The following CIT variants were observed in gnomAD, a reference collection of about 807,000 sequenced individuals.
CIT encodes citron rho-interacting serine/threonine kinase.
CIT carries 79 observed loss-of-function variants against 272.7 expected under a neutral mutation model. The observed-to-expected ratio is 0.29, with a 90% CI of 0.24 to 0.35. The LOEUF is 0.35. CIT is among the 10% of genes least tolerant of loss of function. CIT has a pLI of 1.00. For synonymous variants in CIT, 948 were observed against 995.6 expected, an observed-to-expected ratio of 0.95 and a Z score of 0.90; for missense variants, 1,909 against 2,618.3, an observed-to-expected ratio of 0.73 and a Z score of 5.91.
intron 5 of CIT, among the ~76,000 whole-genome samples, chr12:119,844,760 TA>T (rs1969672808): frequency 1.3e-5 from 2 of 150,862 alleles, no homozygotes; most frequent in African/African-American, 4.9e-5. Flanking sequence ...AACAAGGGAG[TA>T]AAAATGTCAT....
At chr12:119,743,046 T>C (rs1254970625) in intron 23 of CIT, among the ~76,000 whole-genome samples, 1 of 152,156 alleles carries the variant, frequency 6.6e-6, no homozygotes, top group African/African-American at 2.4e-5. Flanking sequence ...AAAGCTGCCT[T>C]AAACCAGCAG....
At chr12:119,812,137 G>A (rs1457510342) in intron 9 of CIT, among the ~76,000 whole-genome samples, 5 of 151,756 alleles carry the variant, frequency 3.3e-5, no homozygotes, top group African/African-American at 9.7e-5. Flanking sequence ...TAGTAGAGAC[G>A]GGGTTTTACC....
chr12:119,827,309 G>A (rs1968253013), intron 7 of CIT, among the ~76,000 whole-genome samples: 1 of 152,128 alleles, frequency 6.6e-6, no homozygotes, highest in African/African-American at 2.4e-5. Context: ...CTTAAGTCAA[G>A]GAGAAGACTT....
intron 16 of CIT, among the ~76,000 whole-genome samples, chr12:119,774,771 G>A (rs1162132934): frequency 6.6e-6 from 1 of 152,052 alleles, no homozygotes; most frequent in African/African-American, 2.4e-5. Context: ...CCAGGTGTTT[G>A]AGACCAGCCT....
chr12:119,712,777 G>T lies in CIT; in HGVS notation c.4580-82C>A. The T allele has an allele frequency of 8.8e-7, 1 of 1,136,354 alleles. No homozygotes were observed. The allele number at this position is 1,136,354 out of a possible 1,614,324, so 70.4% of individuals were successfully genotyped here. On this transcript the variant is annotated intron_variant, in intron 35 of 47. Coordinates refer to ENST00000392521, the MANE Select transcript of CIT (RefSeq NM_001206999.2). This position sits in a 1 kb window ranked among gnomAD's most constrained non-coding sequence, Gnocchi z 5.2. ...GGGAGAAGAGAGAGCGAGAGAGACAGCAAGGGAGAGAGAGACAGGGTACGT... is the reference window on the plus strand; with the variant it reads ...GGGAGAAGAGAGAGCGAGAGAGACATCAAGGGAGAGAGAGACAGGGTACGT...
intron 26 of CIT, among the ~76,000 whole-genome samples, chr12:119,733,694 T>G (rs1958600438): frequency 6.6e-6 from 1 of 152,044 alleles, no homozygotes; most frequent in South Asian, 2.1e-4. Flanking sequence ...GAGTAGAGAC[T>G]AGGGATGCTG....
intron 4 of CIT, among the ~76,000 whole-genome samples, chr12:119,852,407 G>A (rs534784780): frequency 2.6e-5 from 4 of 152,012 alleles, no homozygotes; most frequent in Admixed American, 1.3e-4. Flanking sequence ...CAACTCGATC[G>A]TTTTATTCTA....
intron 23 of CIT, among the ~76,000 whole-genome samples, chr12:119,750,204 T>C (rs575254953): frequency 6.6e-6 from 1 of 152,362 alleles, no homozygotes; most frequent in Non-Finnish European, 1.5e-5. Context: ...GGTTGAAATT[T>C]AGGTGCCTCC....
Position 119,767,140 on chromosome 12 carries a change from G to A in CIT, c.2251C>T (p.His751Tyr). ...KHREAQVSAQ[H>Y]LEVHLKQKEQ... Reference sequence around the variant, plus strand: ...TTCTGTTTCAGGTGCACTTCTAGGTGCTGGGCTGAGACTTGGGCCTCCCGA... The same window carrying A: ...TTCTGTTTCAGGTGCACTTCTAGGTACTGGGCTGAGACTTGGGCCTCCCGA... Residue 751 changes from histidine to tyrosine, a missense_variant, in exon 19 of 48, where the codon CAC (histidine) becomes TAC (tyrosine). By Grantham distance (83) the His-to-Tyr change is moderately conservative. This residue lies in a region of CIT where 530 missense variants were observed against 822.4 expected (regional missense o/e 0.64). Transcript: ENST00000392521. The A allele has an allele frequency of 6.2e-7, 1 of 1,610,748 alleles. No homozygotes were observed. Among genetic ancestry groups the A allele is most frequent in the Non-Finnish European group, 8.5e-7 (1 of 1,178,402 alleles).
chr12:119,805,279 G>A (rs75875739), intron 9 of CIT, among the ~76,000 whole-genome samples: 1 of 152,200 alleles, frequency 6.6e-6, no homozygotes, highest in African/African-American at 2.4e-5. Flanking sequence ...TACTAGTTCT[G>A]TGACACTGGG....
chr12:119,777,394 G>A (rs1017519682), intron 13 of CIT, among the ~76,000 whole-genome samples: 6 of 151,718 alleles, frequency 4.0e-5, no homozygotes, highest in African/African-American at 7.3e-5. Flanking sequence ...TGTTTTGGCC[G>A]GGTGTTGTGG....
chr12:119,859,320 T>A (rs1015536704), intron 3 of CIT, among the ~76,000 whole-genome samples: 8 of 152,074 alleles, frequency 5.3e-5, no homozygotes, highest in African/African-American at 1.9e-4. Context: ...TTCTGGGAAC[T>A]GGAAGGGATG....
At chr12:119,842,344 A>G (rs1050980436) in intron 5 of CIT, among the ~76,000 whole-genome samples, 4 of 140,674 alleles carry the variant, frequency 2.8e-5, no homozygotes, top group Admixed American at 1.6e-4. Context: ...AGCTGAGATC[A>G]TGCCACTGCA....
chr12:119,741,828 T>TA (rs1593550710), intron 24 of CIT, among the ~76,000 whole-genome samples: 1 of 152,226 alleles, frequency 6.6e-6, no homozygotes, highest in African/African-American at 2.4e-5. Flanking sequence ...CTCTATTATA[T>TA]AACCTATGGA....
chr12:119,699,676 C>T (rs906222346), intron 44 of CIT: 47 of 396,024 alleles, frequency 1.2e-4, no homozygotes, highest in African/African-American at 7.9e-4. Flanking sequence ...GCACTCATTG[C>T]GTGCCATGTT....
chr12:119,780,290 G>C (rs188797399), intron 13 of CIT, among the ~76,000 whole-genome samples: 1 of 152,074 alleles, frequency 6.6e-6, no homozygotes. Flanking sequence ...TATTCTAGAG[G>C]GGGTAGCTAG....
At chr12:119,818,106 C>T (rs550616439) in intron 9 of CIT, among the ~76,000 whole-genome samples, 12 of 152,126 alleles carry the variant, frequency 7.9e-5, no homozygotes, top group Non-Finnish European at 1.5e-4. Context: ...AGACCTCCAC[C>T]CAAATCCAGA....
intron 3 of CIT, among the ~76,000 whole-genome samples, chr12:119,861,972 T>A (rs1203015794): frequency 6.6e-6 from 1 of 150,948 alleles, no homozygotes; most frequent in African/African-American, 2.4e-5. Context: ...AGACAGGGAG[T>A]TTTCTCTGGT....
chr12:119,768,414 T>A lies in CIT; in HGVS notation c.2209-1232A>T, dbSNP rs562052723. On this transcript the variant is annotated intron_variant, in intron 18 of 47. Transcript: ENST00000392521. The surrounding 1 kb of genome is among the most constrained non-coding windows in gnomAD (Gnocchi z 4.3). ...CAAGTCATTACTCCAAGTTTTCAAC[T>A]CTTTATACTATTATGAAATTTTTCT... Among the ~76,000 whole-genome samples, 5 of 152,244 alleles carry A rather than the reference T, an allele frequency of 3.3e-5. No individual in the cohort carries two copies. The highest frequency in any genetic ancestry group is 7.3e-5 in the Non-Finnish European group (5 of 68,042).
Sources: gnomAD v4.1 joint callset for allele counts (sites outside exome capture counted in the v4.1 genomes callset) on GRCh38, gnomAD v4.1.1 for gene constraint, gnomAD v4.1.1 regional missense constraint, Gnocchi (gnomAD v3.1) non-coding constraint, MANE v1.5 for transcripts, NCBI Gene and HGNC (gene_info 2026-07-23, HGNC 2026-07-21) for gene names.